The following SCEL variants were observed in gnomAD, a reference collection of about 807,000 sequenced individuals.
SCEL encodes the protein sciellin.
Under a neutral mutation model 117.6 loss-of-function variants are expected in SCEL, and 113 were observed. The observed-to-expected ratio is 0.96, with a 90% confidence interval of 0.83 to 1.12. The LOEUF is 1.12. Among genes scored for constraint, SCEL ranks in the 50% most tolerant of loss-of-function variants. The pLI is 0.00. For synonymous variants in SCEL, 270 were observed against 256.2 expected (o/e 1.05, Z -0.51); for missense variants, 785 against 810.8 (o/e 0.97, Z 0.39).
intron 1 of SCEL, among the ~76,000 whole-genome samples, chr13:77,538,194 G>A (rs1459633019): frequency 6.7e-6 from 1 of 148,182 alleles, no homozygotes; most frequent in Non-Finnish European, 1.5e-5. Flanking sequence ...TCGGGTTACT[G>A]CAGCCTCCGC....
chr13:77,628,170 GTA>G (rs67297453), intron 28 of SCEL, among the ~76,000 whole-genome samples, 161 bp downstream of exon 28: 66,471 of 139,588 alleles, frequency 0.48, 17,297 homozygotes, highest in Non-Finnish European at 0.6. Flanking sequence ...ATATGTGTGT[GTA>G]TATATATATA....
chr13:77,597,268 T>G (rs2087296816), intron 12 of SCEL, among the ~76,000 whole-genome samples: 1 of 151,832 alleles, frequency 6.6e-6, no homozygotes, highest in South Asian at 2.1e-4. Flanking sequence ...TGGCTATAAC[T>G]CAAAGTATAG....
At chr13:77,589,461 C>T (rs1474872669) in intron 10 of SCEL, among the ~76,000 whole-genome samples, 1 of 152,122 alleles carries the variant, frequency 6.6e-6, no homozygotes, top group African/African-American at 2.4e-5. Context: ...AAAAATGGAA[C>T]AATATTCATG....
chr13:77,564,008 A>T (rs1375114696), intron 5 of SCEL, 109 bp downstream of exon 5: 1 of 698,768 alleles, frequency 1.4e-6, no homozygotes, highest in African/African-American at 1.9e-5. Context: ...TGAATCACTG[A>T]TATTTTATTC....
At chr13:77,580,723 C>G (rs1183758732) in intron 9 of SCEL, among the ~76,000 whole-genome samples, 4 of 152,040 alleles carry the variant, frequency 2.6e-5, no homozygotes, top group Non-Finnish European at 4.4e-5. Context: ...GAAGCCACCA[C>G]TAGAAATGAA....
Position 77,634,470 on chromosome 13 carries a change from A to T in SCEL, c.1763+20A>T. 4 of 1,528,880 alleles carry T rather than the reference A, an allele frequency of 2.6e-6. No homozygotes were observed. Among genetic ancestry groups the T allele is most frequent in the Non-Finnish European group, 3.6e-6 (4 of 1,104,114 alleles). 94.7% of individuals were successfully genotyped at this position (1,528,880 alleles called of 1,614,324 possible). On this transcript the variant is annotated intron_variant, in intron 29 of 32. Transcript: ENST00000349847. ...GAATAGGTATTCAAAATTTATTTCA[A>T]ATATATTGCTTCATTTTATAATTTT...
chr13:77,608,005 C>G lies in SCEL; in HGVS notation c.1158-51C>G, dbSNP rs757769500. 5.6e-5 allele frequency: 77 copies of G among 1,376,044 alleles called. No homozygotes were observed. The South Asian group carries it at 9.2e-4, about 16-fold the overall frequency. 85.2% of individuals were successfully genotyped at this position (1,376,044 alleles called of 1,614,324 possible). A position where few individuals can be genotyped will look rare whatever the true frequency, so the allele number is the denominator to read the frequency against. On this transcript the variant is annotated intron_variant, in intron 19 of 32. Coordinates refer to ENST00000349847, the MANE Select transcript of SCEL (RefSeq NM_144777.3). Reference sequence around the variant, plus strand: ...ATAGCTTTATCTTCTTGTTGTCAGTCTACCATTGTTACGTGTTGTCAATCT... The same window carrying G: ...ATAGCTTTATCTTCTTGTTGTCAGTGTACCATTGTTACGTGTTGTCAATCT...
chr13:77,629,516 G>C (rs2089931408), intron 28 of SCEL, among the ~76,000 whole-genome samples: 1 of 152,142 alleles, frequency 6.6e-6, no homozygotes, highest in African/African-American at 2.4e-5. Flanking sequence ...TTCATTTTAT[G>C]AATGTATTCA....
At chr13:77,571,976 T>C (rs117368422) in intron 8 of SCEL, 148 bp from the exon 9 acceptor site, 8 of 663,286 alleles carry the variant, frequency 1.2e-5, no homozygotes, top group East Asian at 3.1e-5. Flanking sequence ...GGACAGTTAC[T>C]TCCTACTTCA....
At chr13:77,539,001 C>A (rs2154393260) in intron 1 of SCEL, among the ~76,000 whole-genome samples, 1 of 152,294 alleles carries the variant, frequency 6.6e-6, no homozygotes, top group Middle Eastern at 3.4e-3. Context: ...AGAAAACTAT[C>A]CCTATTGCCC....
intron 8 of SCEL, 48 bp from the exon 9 acceptor site, chr13:77,572,076 G>T (rs1324911354): frequency 3.4e-6 from 5 of 1,479,654 alleles, no homozygotes; most frequent in East Asian, 2.3e-5. Flanking sequence ...ATGTGGGTGG[G>T]ATCAGCCTTT....
intron 2 of SCEL, among the ~76,000 whole-genome samples, chr13:77,556,142 A>G (rs1357599386): frequency 6.6e-6 from 1 of 152,240 alleles, no homozygotes; most frequent in African/African-American, 2.4e-5. Flanking sequence ...TTTTAAAAAT[A>G]TGACCTTCTT....
At chr13:77,560,160 A>G (rs2084895462) in intron 4 of SCEL, among the ~76,000 whole-genome samples, 1 of 151,690 alleles carries the variant, frequency 6.6e-6, no homozygotes, top group African/African-American at 2.4e-5. Flanking sequence ...GCCGGGTGCC[A>G]TGGCTCATAC....
chr13:77,543,310 C>T, intron 1 of SCEL, among the ~76,000 whole-genome samples: 1 of 151,782 alleles, frequency 6.6e-6, no homozygotes, highest in African/African-American at 2.4e-5. Context: ...GTCTCGATCT[C>T]CTGACCTCGT....
intron 1 of SCEL, among the ~76,000 whole-genome samples, chr13:77,541,584 T>C (rs1178406178): frequency 6.6e-6 from 1 of 152,214 alleles, no homozygotes. Context: ...TGAGATATTT[T>C]GTAGCTGCAA....
intron 1 of SCEL, among the ~76,000 whole-genome samples, chr13:77,554,662 T>C (rs1217337185): frequency 6.6e-6 from 1 of 152,232 alleles, no homozygotes; most frequent in Non-Finnish European, 1.5e-5. Flanking sequence ...TTATGTACAT[T>C]ATTCATTTGA....
chr13:77,544,359 G>C (rs771489918), intron 1 of SCEL, among the ~76,000 whole-genome samples: 44 of 152,146 alleles, frequency 2.9e-4, no homozygotes, highest in Non-Finnish European at 4.7e-4. Flanking sequence ...TTAAGAGAAA[G>C]TTAGCAGGGA....
intron 24 of SCEL, among the ~76,000 whole-genome samples, chr13:77,614,376 G>T (rs1219065867): frequency 6.6e-6 from 1 of 152,070 alleles, no homozygotes; most frequent in South Asian, 2.1e-4. Context: ...CCTCATTTTA[G>T]AAGAGTTTTC....
chr13:77,553,651 C>G (rs1291700417), intron 1 of SCEL, among the ~76,000 whole-genome samples: 1 of 152,032 alleles, frequency 6.6e-6, no homozygotes, highest in African/African-American at 2.4e-5. Flanking sequence ...CTCAGCTGCC[C>G]AAGTTCAAGT....
Sources: gnomAD v4.1 joint callset for allele counts (sites outside exome capture counted in the v4.1 genomes callset) on GRCh38, gnomAD v4.1.1 for gene constraint, MANE v1.5 for transcripts, NCBI Gene and HGNC (gene_info 2026-07-23, HGNC 2026-07-21) for gene names.